The following DOCK9 variants were observed in gnomAD, a reference collection of about 807,000 sequenced individuals.
DOCK9 encodes the protein dedicator of cytokinesis protein 9.
Under a neutral mutation model 263.3 loss-of-function variants are expected in DOCK9, and 89 were observed. The ratio of observed to expected loss-of-function variants is 0.34; its 90% confidence interval spans 0.28 to 0.40. DOCK9 has a LOEUF of 0.40. DOCK9 is among the 10% of genes least tolerant of loss of function. DOCK9 has a pLI of 1.00. For missense variants in DOCK9, 2,140 were observed against 2,603.4 expected (o/e 0.82, Z 3.87); for synonymous variants, 976 against 973.1 (o/e 1.00, Z -0.06).
intron 2 of DOCK9, among the ~76,000 whole-genome samples, chr13:98,937,219 AC>A (rs2055009574): frequency 1.3e-5 from 2 of 152,210 alleles, no homozygotes. Flanking sequence ...AGGGGAAAAA[AC>A]ATTTCACACC....
At chr13:98,974,748 C>CAAAAAAAAAAAAA (rs57196019) in intron 1 of DOCK9, among the ~76,000 whole-genome samples, 1 of 33,206 alleles carries the variant, frequency 3.0e-5, no homozygotes, top group African/African-American at 1.1e-4. Flanking sequence ...AACTCTGTCT[C>CAAAAAAAAAAAAA]AAAAAAAAAA....
intron 8 of DOCK9, 68 bp from the exon 9 acceptor site, chr13:98,914,463 G>A (rs972232791): frequency 7.0e-6 from 10 of 1,430,590 alleles, no homozygotes; most frequent in South Asian, 1.2e-5. Context: ...ACAGGAGGAG[G>A]AAGGCCGTTT....
At chr13:98,939,747 T>C (rs1324533802) in intron 2 of DOCK9, among the ~76,000 whole-genome samples, 1 of 152,218 alleles carries the variant, frequency 6.6e-6, no homozygotes, top group Admixed American at 6.5e-5. Context: ...TCAATTGTTA[T>C]TGTTCTCAGC....
At chr13:98,817,591 C>A (rs1308060581) in intron 45 of DOCK9, among the ~76,000 whole-genome samples, 1 of 150,820 alleles carries the variant, frequency 6.6e-6, no homozygotes, top group African/African-American at 2.4e-5. Context: ...CCACATCTAG[C>A]CTAAACTATG....
chr13:98,861,704 G>C (rs565631022), intron 32 of DOCK9, among the ~76,000 whole-genome samples: 1 of 152,124 alleles, frequency 6.6e-6, no homozygotes, highest in Non-Finnish European at 1.5e-5. Flanking sequence ...CATATGAAAG[G>C]TACCAGAGAC....
chr13:98,862,847 C>T (rs1051704780), intron 32 of DOCK9, among the ~76,000 whole-genome samples, 172 bp downstream of exon 32: 8 of 152,114 alleles, frequency 5.3e-5, no homozygotes, highest in Admixed American at 2.6e-4. Flanking sequence ...GGAGCATGGC[C>T]CATGAGCCTC....
chr13:98,950,881 A>C (rs762601762), intron 2 of DOCK9, among the ~76,000 whole-genome samples: 14 of 152,216 alleles, frequency 9.2e-5, no homozygotes, highest in Non-Finnish European at 2.1e-4. Flanking sequence ...CATCTGGTAA[A>C]AAGACCTCCA....
Position 98,879,523 on chromosome 13 carries a change from A to T in DOCK9, c.2943+375T>A, listed in dbSNP as rs1448456449. 2.6e-5 allele frequency among the ~76,000 whole-genome samples: 4 copies of T among 152,228 alleles called. No homozygotes were observed. In the East Asian group the frequency reaches 7.7e-4, roughly 29 times the overall value. Reference sequence around the variant, plus strand: ...AATTTATGCTGAAACCACAATTTCCATTTCAACAAACGTGAAGATTTCTAA... The same window carrying T: ...AATTTATGCTGAAACCACAATTTCCTTTTCAACAAACGTGAAGATTTCTAA... On this transcript the variant is annotated intron_variant, in intron 27 of 52. Coordinates refer to ENST00000682017, the MANE Select transcript of DOCK9 (RefSeq NM_001366683.2).
intron 1 of DOCK9, among the ~76,000 whole-genome samples, chr13:99,018,409 C>T (rs1391169969): frequency 6.6e-6 from 1 of 152,260 alleles, no homozygotes; most frequent in Non-Finnish European, 1.5e-5. Context: ...CATGCTCTTA[C>T]ATCTTCCAGA....
chr13:98,880,618 C>A lies in DOCK9; in HGVS notation c.2800G>T (p.Glu934Ter). 6.2e-7 allele frequency: 1 copy of A among 1,613,896 alleles called. No homozygotes were observed. Among genetic ancestry groups the A allele is most frequent in the South Asian group, 1.1e-5 (1 of 91,044 alleles). Residue 934 changes from glutamate (E) to a stop codon, truncating the protein, a stop_gained, in exon 26 of 53, where the codon GAA becomes TAA. Transcript: ENST00000682017. LOFTEE classifies it high-confidence loss of function. ...ATCGTGGTCATGGATTTGGTCAGTT[C>A]TTCATGCACTGTCTTGTATTCAGAG... ...VASEYKTVHE[E>*]LTKSMTTILK...
intron 15 of DOCK9, among the ~76,000 whole-genome samples, chr13:98,893,670 A>G (rs1437000891): frequency 6.6e-6 from 1 of 152,234 alleles, no homozygotes; most frequent in Non-Finnish European, 1.5e-5. Context: ...ATGGGGGTAG[A>G]AACAATAGCT....
At chr13:98,926,926 A>T (rs1277800630) in intron 3 of DOCK9, among the ~76,000 whole-genome samples, 1 of 149,576 alleles carries the variant, frequency 6.7e-6, no homozygotes, top group Non-Finnish European at 1.5e-5. Context: ...TCTACTGTCA[A>T]CCTTTCTATC....
chr13:98,989,343 GATGATA>G (rs1250319184), intron 1 of DOCK9, among the ~76,000 whole-genome samples: 1,410 of 121,158 alleles, frequency 0.012, 6 homozygotes, highest in Middle Eastern at 0.033. Flanking sequence ...TGATGATGAT[GATGATA>G]ATAATAATAA....
At chr13:98,886,198 A>G (rs546821176) in intron 19 of DOCK9, among the ~76,000 whole-genome samples, 3 of 152,358 alleles carry the variant, frequency 2.0e-5, no homozygotes, top group African/African-American at 4.8e-5. Context: ...AGCAAACCCA[A>G]TGATAAGAAA....
At chr13:98,940,151 G>A (rs1163097527) in intron 2 of DOCK9, among the ~76,000 whole-genome samples, 1 of 152,160 alleles carries the variant, frequency 6.6e-6, no homozygotes, top group Non-Finnish European at 1.5e-5. Context: ...TACACAGGGC[G>A]TTCCCACATT....
rs568267246 is a variant in DOCK9, at chr13:98,796,313, G to A, written c.6156+802C>T. ...GAAAATGTACTAACTAAACTGTCAG[G>A]GGATAGGATCACTCCACAAACGGCC... is the stretch of plus-strand genomic sequence containing the variant. On this transcript the variant is annotated intron_variant, in intron 52 of 52. Coordinates refer to ENST00000682017, the MANE Select transcript of DOCK9 (RefSeq NM_001366683.2). The A allele has an allele frequency of 3.1e-4, 311 of 994,014 alleles. No homozygotes were observed. In the African/African-American group the frequency reaches 4.2e-3, roughly 14 times the overall value. The allele number at this position is 994,014 out of a possible 1,614,324, so 61.6% of individuals were successfully genotyped here. A position where few individuals can be genotyped will look rare whatever the true frequency, so the allele number is the denominator to read the frequency against.
chr13:98,813,738 C>T (rs1247600827), intron 45 of DOCK9, among the ~76,000 whole-genome samples: 1 of 152,142 alleles, frequency 6.6e-6, no homozygotes, highest in Non-Finnish European at 1.5e-5. Context: ...CTCCCGGGTT[C>T]AAGCGATTCT....
chr13:99,030,398 C>A (rs1330140102), intron 1 of DOCK9, among the ~76,000 whole-genome samples: 1 of 152,110 alleles, frequency 6.6e-6, no homozygotes, highest in Non-Finnish European at 1.5e-5. Context: ...TACAGCAAGC[C>A]TAAGAACCAA....
chr13:99,064,636 A>T (rs2041337532), intron 1 of DOCK9, among the ~76,000 whole-genome samples: 1 of 152,242 alleles, frequency 6.6e-6, no homozygotes, highest in Admixed American at 6.5e-5. Flanking sequence ...ACTATTTATG[A>T]GCTTACTATT....
Sources: gnomAD v4.1 joint callset for allele counts (sites outside exome capture counted in the v4.1 genomes callset) on GRCh38, gnomAD v4.1.1 for gene constraint, MANE v1.5 for transcripts, NCBI Gene and HGNC (gene_info 2026-07-23, HGNC 2026-07-21) for gene names.